The following TNFRSF11A variants were observed in gnomAD, a reference collection of about 807,000 sequenced individuals.
TNFRSF11A encodes tumor necrosis factor receptor superfamily member 11A.
A neutral mutation model predicts 55.7 loss-of-function variants in TNFRSF11A; 32 were observed. The observed-to-expected ratio is 0.57, with a 90% CI of 0.43 to 0.77. The LOEUF (loss-of-function observed/expected upper bound fraction) is 0.77, where lower values mean the gene tolerates loss of function less well. TNFRSF11A is among the 30% of genes least tolerant of loss of function. TNFRSF11A has a pLI of 0.00. For synonymous variants in TNFRSF11A, 311 were observed against 331.0 expected (o/e 0.94, Z 0.65); for missense variants, 753 against 809.8 (o/e 0.93, Z 0.85).
rs369467652 is a variant in TNFRSF11A at position 62,343,513 on chromosome 18, GTTT to G, written c.76-4652_76-4650del. ...AAATGTTATGTTTCTTCAGCTTATG[GTTT>G]TTCAGAATTAGACTCAACATGGCTT... On this transcript the variant is annotated intron_variant, in intron 1 of 9. Transcript: ENST00000586569. Among the ~76,000 whole-genome samples the G allele has an allele frequency of 5.2e-4, 79 of 152,234 alleles. 1 individual carries two copies. Among genetic ancestry groups the G allele is most frequent in the East Asian group, 4.1e-3 (21 of 5,184 alleles).
intron 9 of TNFRSF11A, among the ~76,000 whole-genome samples, chr18:62,375,393 T>C (rs907527146): frequency 2.6e-5 from 4 of 152,186 alleles, no homozygotes; most frequent in African/African-American, 9.6e-5. Context: ...CTCTGCACCC[T>C]GCCAACTAAT....
chr18:62,337,445 G>A lies in TNFRSF11A; in HGVS notation c.76-10723G>A, dbSNP rs142410301. Among the ~76,000 whole-genome samples the A allele has an allele frequency of 2.2e-4, 33 of 152,256 alleles. No homozygotes were observed. In the East Asian group the frequency reaches 3.1e-3, roughly 14 times the overall value. The stretch of plus-strand genomic sequence containing the variant: ...ATGGGTGTATATTAACTCACAATGC[G>A]TATAAATTAGTAATCAGTTATGTGA... On this transcript the variant is annotated intron_variant, in intron 1 of 9. Coordinates refer to ENST00000586569, the MANE Select transcript of TNFRSF11A (RefSeq NM_003839.4).
At chr18:62,378,423 A>G (rs1911044044) in intron 9 of TNFRSF11A, among the ~76,000 whole-genome samples, 1 of 152,218 alleles carries the variant, frequency 6.6e-6, no homozygotes, top group Non-Finnish European at 1.5e-5. Flanking sequence ...AGTTGGTTAG[A>G]TTTCCAGAGA....
chr18:62,342,425 A>AAAAAAAAAAC (rs2046327226), intron 1 of TNFRSF11A, among the ~76,000 whole-genome samples: 2 of 144,346 alleles, frequency 1.4e-5, no homozygotes, highest in African/African-American at 2.6e-5. Context: ...AAAAAAAAAA[A>AAAAAAAAAAC]TCCTATATTC....
intron 4 of TNFRSF11A, among the ~76,000 whole-genome samples, chr18:62,357,571 A>G (rs2145318120): frequency 6.6e-6 from 1 of 152,340 alleles, no homozygotes; most frequent in African/African-American, 2.4e-5. Flanking sequence ...TGCTATGAGT[A>G]GCTGCAGCAG....
chr18:62,351,906 C>T (rs188703336), intron 3 of TNFRSF11A, among the ~76,000 whole-genome samples: 83 of 152,286 alleles, frequency 5.5e-4, no homozygotes, highest in Non-Finnish European at 8.8e-4. Context: ...AAACGATTCT[C>T]CTGCCTTGGC....
Position 62,366,841 on chromosome 18 carries a change from C to CA in TNFRSF11A, c.783+82dup, listed in dbSNP as rs1910118782. 3.8e-6 allele frequency: 5 copies of CA among 1,299,914 alleles called. No homozygotes were observed. The African/African-American group carries it at 4.4e-5, about 11-fold the overall frequency. 80.5% of individuals were successfully genotyped at this position (1,299,914 alleles called of 1,614,324 possible). A position where few individuals can be genotyped will look rare whatever the true frequency, so the allele number is the denominator to read the frequency against. The stretch of plus-strand genomic sequence containing the variant: ...AGAGCCATCCTAGTCACATATTGAG[C>CA]ACCCCCCCCCACCCCCACTTTTTTT... On this transcript the variant is annotated intron_variant, in intron 8 of 9. Transcript: ENST00000586569.
At chr18:62,332,944 C>T (rs921624264) in intron 1 of TNFRSF11A, among the ~76,000 whole-genome samples, 2 of 152,192 alleles carry the variant, frequency 1.3e-5, no homozygotes, top group African/African-American at 4.8e-5. Flanking sequence ...TGAGATGCCT[C>T]TAGGACACAG....
intron 1 of TNFRSF11A, chr18:62,336,779 C>G (rs1033272441): frequency 3.9e-5 from 6 of 152,234 alleles, no homozygotes; most frequent in Admixed American, 2.0e-4. Flanking sequence ...GCTGCAGACT[C>G]TTCACTCTTA....
chr18:62,328,529 G>T (rs1171396592), intron 1 of TNFRSF11A, among the ~76,000 whole-genome samples: 1 of 152,192 alleles, frequency 6.6e-6, no homozygotes, highest in East Asian at 1.9e-4. Flanking sequence ...ATAGTTTTGA[G>T]GTAACTCTTG....
In TNFRSF11A at chr18:62,387,044, T is replaced by C. The variant is rs946189387; in HGVS notation, c.*2010T>C. The C allele has an allele frequency of 8.5e-5, 13 of 152,224 alleles. No homozygotes were observed. The highest frequency in any genetic ancestry group is 1.8e-4 in the Non-Finnish European group (12 of 68,042). The allele number at this position is 152,224 out of a possible 1,614,324, so 9.4% of individuals were successfully genotyped here. ...GTCATCTCACTGAGCACTTCGCTTT[T>C]CTTTGCTTTTATTTTTTCCTTCTAT... On this transcript the variant is annotated 3_prime_UTR_variant, in exon 10 of 10. Transcript: ENST00000586569.
At chr18:62,354,337 T>G (rs1909073082) in intron 3 of TNFRSF11A, 54 bp from the exon 4 acceptor site, 1 of 1,505,834 alleles carries the variant, frequency 6.6e-7, no homozygotes. Flanking sequence ...GTGGGCGGTG[T>G]GTTTGGGCTG....
chr18:62,351,002 C>CTTTCT (rs2046460751), intron 3 of TNFRSF11A, among the ~76,000 whole-genome samples: 1 of 122,678 alleles, frequency 8.2e-6, no homozygotes, highest in South Asian at 2.7e-4. Flanking sequence ...TTTTTTCTTT[C>CTTTCT]TTTTTTTTTT....
intron 1 of TNFRSF11A, among the ~76,000 whole-genome samples, chr18:62,333,644 C>A (rs922247747): frequency 6.6e-6 from 1 of 152,158 alleles, no homozygotes; most frequent in African/African-American, 2.4e-5. Flanking sequence ...AGAGCTGGAG[C>A]TCCTACCAGG....
chr18:62,350,012 G>A (rs912543783), intron 3 of TNFRSF11A, 75 bp downstream of exon 3: 2 of 1,592,534 alleles, frequency 1.3e-6, no homozygotes, highest in African/African-American at 1.3e-5. Flanking sequence ...AACATTTTTA[G>A]AGGCAGCCAA....
chr18:62,342,215 A>T (rs952567658), intron 1 of TNFRSF11A, among the ~76,000 whole-genome samples: 1 of 151,760 alleles, frequency 6.6e-6, no homozygotes, highest in African/African-American at 2.4e-5. Flanking sequence ...AGCCTGGGCA[A>T]CATGGTGAAA....
chr18:62,372,333 C>T (rs1910610793), intron 9 of TNFRSF11A, among the ~76,000 whole-genome samples: 1 of 152,192 alleles, frequency 6.6e-6, no homozygotes, highest in Admixed American at 6.5e-5. Context: ...CGCATTCTCA[C>T]TGTGCCCCTA....
chr18:62,325,870 G>A lies in TNFRSF11A; in HGVS notation c.75+443G>A, dbSNP rs1214249487. Among the ~76,000 whole-genome samples the A allele has an allele frequency of 2.6e-5, 4 of 152,222 alleles. No homozygotes were observed. Among genetic ancestry groups the A allele is most frequent in the African/African-American group, 9.6e-5 (4 of 41,460 alleles). On this transcript the variant is annotated intron_variant, in intron 1 of 9. Coordinates refer to ENST00000586569, the MANE Select transcript of TNFRSF11A (RefSeq NM_003839.4). This position sits in a 1 kb window ranked among gnomAD's most constrained non-coding sequence, Gnocchi z 4.7. Reference sequence around the variant, plus strand: ...CGTCCCAAATTTCCACCCGGAAAGAGACATGATTCCCTCCGTCCCTGAACT... The same window carrying A: ...CGTCCCAAATTTCCACCCGGAAAGAAACATGATTCCCTCCGTCCCTGAACT...
intron 6 of TNFRSF11A, among the ~76,000 whole-genome samples, chr18:62,360,657 G>A (rs994801234): frequency 3.3e-5 from 5 of 152,116 alleles, no homozygotes; most frequent in Non-Finnish European, 7.4e-5. Context: ...GTGTTGGCCA[G>A]GCTGGTCTCA....
Sources: gnomAD v4.1 joint callset for allele counts (sites outside exome capture counted in the v4.1 genomes callset) on GRCh38, gnomAD v4.1.1 for gene constraint, Gnocchi (gnomAD v3.1) non-coding constraint, MANE v1.5 for transcripts, NCBI Gene and HGNC (gene_info 2026-07-23, HGNC 2026-07-21) for gene names.